The following SNTG1 variants were observed in gnomAD, a reference collection of about 807,000 sequenced individuals.
SNTG1 encodes gamma-1-syntrophin.
Under a neutral mutation model 74.7 loss-of-function variants are expected in SNTG1, and 39 were observed. The observed-to-expected ratio is 0.52, with a 90% CI of 0.40 to 0.68. SNTG1 has a LOEUF of 0.68. Ranked by LOEUF, SNTG1 falls within the 30% of genes least tolerant of loss-of-function variation. The pLI is 0.00. For missense variants in SNTG1, 685 were observed against 609.5 expected, an observed-to-expected ratio of 1.12 and a Z score of -1.30; for synonymous variants, 254 against 217.1, an observed-to-expected ratio of 1.17 and a Z score of -1.49.
At chr8:50,425,745 A>G (rs1172140388) in intron 4 of SNTG1, among the ~76,000 whole-genome samples, 1 of 152,150 alleles carries the variant, frequency 6.6e-6, no homozygotes, top group Non-Finnish European at 1.5e-5. Flanking sequence ...ATTAAGCATT[A>G]AACTGAATTA....
chr8:50,112,412 G>C (rs1338735446), intron 1 of SNTG1, among the ~76,000 whole-genome samples: 1 of 151,136 alleles, frequency 6.6e-6, no homozygotes. Flanking sequence ...ACAGCAATTG[G>C]ATCTAAGAAT....
rs190721322 is a variant in SNTG1 at position 50,713,945 on chromosome 8, G to A, written c.1284+4967G>A. ...GTGGTGGCAGGCACCTGTAATCCCA[G>A]CTACTCAGGAGGCTGAGGCAGGAGA... On this transcript the variant is annotated intron_variant, in intron 17 of 18. Transcript: ENST00000642720. Among the ~76,000 whole-genome samples the A allele has an allele frequency of 9.1e-4, 138 of 151,706 alleles. 2 individuals are homozygous for A. Among genetic ancestry groups the A allele is most frequent in the Middle Eastern group, 6.8e-3 (2 of 294 alleles).
intron 15 of SNTG1, among the ~76,000 whole-genome samples, chr8:50,679,752 G>A (rs777405176): frequency 1.2e-4 from 19 of 152,182 alleles, no homozygotes; most frequent in Non-Finnish European, 2.5e-4. Context: ...CTGAGCAAGT[G>A]CTTGCTTGAC....
intron 8 of SNTG1, among the ~76,000 whole-genome samples, chr8:50,490,043 A>T (rs565766196): frequency 3.3e-5 from 5 of 152,186 alleles, no homozygotes; most frequent in African/African-American, 1.2e-4. Flanking sequence ...TCCTCATTTG[A>T]TTGTTTTTGT....
intron 18 of SNTG1, among the ~76,000 whole-genome samples, chr8:50,779,781 A>C (rs942774419): frequency 1.3e-5 from 2 of 151,954 alleles, no homozygotes; most frequent in Non-Finnish European, 2.9e-5. Flanking sequence ...GTCTTGTGCC[A>C]GTTTTCAAAG....
intron 13 of SNTG1, among the ~76,000 whole-genome samples, chr8:50,608,346 T>C (rs1217259243): frequency 1.3e-5 from 2 of 151,780 alleles, no homozygotes; most frequent in Non-Finnish European, 3.0e-5. Context: ...TTGAATTTTG[T>C]CTTATTTTGT....
chr8:50,250,687 A>G (rs1243483301), intron 2 of SNTG1, among the ~76,000 whole-genome samples: 3 of 152,118 alleles, frequency 2.0e-5, no homozygotes, highest in Non-Finnish European at 4.4e-5. Context: ...ATAATAAACA[A>G]ACAAAAAGAA....
intron 1 of SNTG1, among the ~76,000 whole-genome samples, chr8:50,049,695 C>A (rs1420630133): frequency 6.6e-6 from 1 of 152,002 alleles, no homozygotes; most frequent in Admixed American, 6.6e-5. Flanking sequence ...CCACAATAGA[C>A]TACATTCGGG....
rs573197212 is a variant in SNTG1 at position 50,333,589 on chromosome 8, A to C, written c.-27-60623A>C. Reference sequence around the variant, plus strand: ...TATGCTGGAAACAGCATTACCTAGCAGTAGCAAAACATTTCTTATGGAAGA... The same window carrying C: ...TATGCTGGAAACAGCATTACCTAGCCGTAGCAAAACATTTCTTATGGAAGA... On this transcript the variant is annotated intron_variant, in intron 2 of 18. Coordinates refer to ENST00000642720, the MANE Select transcript of SNTG1 (RefSeq NM_018967.5). 7.9e-5 allele frequency among the ~76,000 whole-genome samples: 12 copies of C among 152,346 alleles called. No individual in the cohort carries two copies. The South Asian group carries it at 2.5e-3, about 32-fold the overall frequency.
intron 8 of SNTG1, among the ~76,000 whole-genome samples, chr8:50,460,257 T>C (rs1030087017): frequency 1.3e-5 from 2 of 152,200 alleles, no homozygotes; most frequent in Non-Finnish European, 2.9e-5. Context: ...TTTTTAAATA[T>C]GTTTGTTTGC....
At chr8:50,172,296 T>C (rs1471453512) in intron 1 of SNTG1, among the ~76,000 whole-genome samples, 1 of 152,216 alleles carries the variant, frequency 6.6e-6, no homozygotes, top group East Asian at 1.9e-4. Flanking sequence ...TTGAAGTCAA[T>C]TTCCCCAAAG....
At chr8:50,697,628 A>G (rs2095409748) in intron 15 of SNTG1, among the ~76,000 whole-genome samples, 1 of 151,840 alleles carries the variant, frequency 6.6e-6, no homozygotes, top group Non-Finnish European at 1.5e-5. Context: ...GAGGGTTTTG[A>G]GCTTGTGCTC....
chr8:50,453,168 T>C (rs1282772744), intron 8 of SNTG1, among the ~76,000 whole-genome samples: 1 of 152,198 alleles, frequency 6.6e-6, no homozygotes, highest in Non-Finnish European at 1.5e-5. Context: ...GTTACTTTTG[T>C]GTTGGAGTTA....
chr8:50,549,548 C>G (rs1370356861), intron 11 of SNTG1, among the ~76,000 whole-genome samples: 1 of 152,062 alleles, frequency 6.6e-6, no homozygotes, highest in African/African-American at 2.4e-5. Context: ...TAAACATGAT[C>G]CTTTTCCTCC....
At chr8:50,708,672 G>A (rs755073570) in intron 16 of SNTG1, 17 of 532,006 alleles carry the variant, frequency 3.2e-5, no homozygotes, top group Non-Finnish European at 5.0e-5. Context: ...AACTCGGCGG[G>A]GCATACACCT....
At chr8:50,001,659 C>T (rs1814750870) in intron 1 of SNTG1, among the ~76,000 whole-genome samples, 1 of 152,126 alleles carries the variant, frequency 6.6e-6, no homozygotes, top group Non-Finnish European at 1.5e-5. Flanking sequence ...AGTTATCTTG[C>T]AGTTCTAAAC....
At chr8:50,239,828 G>C (rs566633961) in intron 2 of SNTG1, among the ~76,000 whole-genome samples, 6 of 152,286 alleles carry the variant, frequency 3.9e-5, no homozygotes, top group African/African-American at 1.2e-4. Flanking sequence ...GATCAGGGGA[G>C]AGTTAAAGAT....
chr8:50,391,044 A>T (rs988600638), intron 2 of SNTG1, among the ~76,000 whole-genome samples: 1 of 152,052 alleles, frequency 6.6e-6, no homozygotes, highest in Non-Finnish European at 1.5e-5. Context: ...CCTCTTTTCC[A>T]AATTGAGTAC....
chr8:50,570,560 ATTT>A (rs1193252291), intron 12 of SNTG1, among the ~76,000 whole-genome samples: 31 of 130,464 alleles, frequency 2.4e-4, no homozygotes, highest in African/African-American at 9.0e-4. Context: ...GTCCAGCCTT[ATTT>A]TTTATTATTA....
Sources: allele counts gnomAD v4.1 joint callset (sites outside exome capture counted in the v4.1 genomes callset), GRCh38; gene constraint gnomAD v4.1.1; transcripts MANE v1.5; gene names NCBI Gene and HGNC (gene_info 2026-07-23, HGNC 2026-07-21).